RGS6: variants seen among roughly 807,000 people sequenced by gnomAD.
RGS6 encodes the protein regulator of G protein signaling 6, also known as regulator of G-protein signaling 6.
A neutral mutation model predicts 78.5 loss-of-function variants in RGS6; 30 were observed. That is an observed-to-expected ratio of 0.38 (90% CI 0.29 to 0.52). RGS6 has a LOEUF of 0.52. Among genes scored for constraint, RGS6 ranks in the 20% least tolerant of loss-of-function variants. The pLI is 0.85. For synonymous variants in RGS6, 206 were observed against 206.0 expected, an observed-to-expected ratio of 1.00 and a Z score of 0.00; for missense variants, 495 against 609.7, an observed-to-expected ratio of 0.81 and a Z score of 1.98.
intron 2 of RGS6, among the ~76,000 whole-genome samples, chr14:72,085,733 A>T (rs2095005229): frequency 6.6e-6 from 1 of 151,972 alleles, no homozygotes; most frequent in Non-Finnish European, 1.5e-5. Context: ...GCACACTTGT[A>T]ATCCCAGCTA....
In RGS6 at chr14:72,528,735, C is replaced by T. The variant is rs1405093891; in HGVS notation, c.1279-7451C>T. Among the ~76,000 whole-genome samples the T allele has an allele frequency of 3.9e-5, 6 of 152,180 alleles. No individual in the cohort carries two copies. The East Asian group carries it at 7.7e-4, about 20-fold the overall frequency. On this transcript the variant is annotated intron_variant, in intron 15 of 17. Transcript: ENST00000553525. Reference sequence around the variant, plus strand: ...GACAAAGCAAGAAAGAGAGAGAGCACGCGGGCCAGCACGCTTTTTCTCCAT... The same window carrying T: ...GACAAAGCAAGAAAGAGAGAGAGCATGCGGGCCAGCACGCTTTTTCTCCAT...
At chr14:72,473,307 G>A (rs912371423) in intron 9 of RGS6, among the ~76,000 whole-genome samples, 15 of 152,328 alleles carry the variant, frequency 9.8e-5, no homozygotes, top group Admixed American at 3.3e-4. Flanking sequence ...AGCCGGGCGT[G>A]GTGGCAGGCA....
intron 2 of RGS6, among the ~76,000 whole-genome samples, chr14:72,346,124 G>A (rs1181339670): frequency 6.6e-6 from 1 of 152,180 alleles, no homozygotes; most frequent in Non-Finnish European, 1.5e-5. Flanking sequence ...AAGTGCTTCA[G>A]TAAAAAGAAC....
chr14:71,968,206 A>C (rs927393209), intron 2 of RGS6, among the ~76,000 whole-genome samples: 1 of 152,172 alleles, frequency 6.6e-6, no homozygotes, highest in Non-Finnish European at 1.5e-5. Context: ...CTAGCTATAC[A>C]TCACATCATT....
chr14:72,308,224 C>A (rs2067703915), intron 2 of RGS6, among the ~76,000 whole-genome samples: 1 of 152,118 alleles, frequency 6.6e-6, no homozygotes, highest in Admixed American at 6.6e-5. Flanking sequence ...ATGTCTTCAT[C>A]TTATTCTTGA....
upstream of RGS6, among the ~76,000 whole-genome samples, chr14:71,928,820 C>T (rs2087758219): frequency 6.6e-6 from 1 of 152,124 alleles, no homozygotes; most frequent in African/African-American, 2.4e-5. Flanking sequence ...TGGGCTGAAT[C>T]ACATTATTGT....
At chr14:72,168,283 C>T (rs2096957338) in intron 2 of RGS6, among the ~76,000 whole-genome samples, 1 of 152,026 alleles carries the variant, frequency 6.6e-6, no homozygotes. Context: ...AACAGATGGT[C>T]CCCCACAGGC....
At chr14:72,383,569 C>A (rs1250606977) in intron 3 of RGS6, among the ~76,000 whole-genome samples, 3 of 152,152 alleles carry the variant, frequency 2.0e-5, no homozygotes, top group African/African-American at 7.2e-5. Flanking sequence ...TATTAACAGG[C>A]ATAAACAGAC....
chr14:71,938,563 C>A (rs533069127), intron 1 of RGS6, among the ~76,000 whole-genome samples: 1 of 152,156 alleles, frequency 6.6e-6, no homozygotes, highest in Non-Finnish European at 1.5e-5. Flanking sequence ...CCCATGAGGC[C>A]GTGGGTGCAG....
intron 16 of RGS6, among the ~76,000 whole-genome samples, chr14:72,538,403 C>G (rs1432210125): frequency 6.6e-6 from 1 of 152,232 alleles, no homozygotes; most frequent in Non-Finnish European, 1.5e-5. Context: ...AAATGATAGT[C>G]ACACTGAAGA....
chr14:72,428,701 A>C (rs547961777), intron 3 of RGS6, among the ~76,000 whole-genome samples: 1 of 152,226 alleles, frequency 6.6e-6, no homozygotes, highest in Non-Finnish European at 1.5e-5. Flanking sequence ...GATAGGAAGC[A>C]GGTCTTATCT....
At chr14:71,992,941 A>G (rs1319220332) in intron 2 of RGS6, among the ~76,000 whole-genome samples, 1 of 152,196 alleles carries the variant, frequency 6.6e-6, no homozygotes, top group Non-Finnish European at 1.5e-5. Flanking sequence ...TCCATTGTTC[A>G]ATAAGAGCAT....
chr14:72,121,129 G>T (rs959036358), intron 2 of RGS6, among the ~76,000 whole-genome samples: 2 of 152,084 alleles, frequency 1.3e-5, no homozygotes, highest in Non-Finnish European at 2.9e-5. Context: ...CAGCATCAAG[G>T]CTGGCTTCTC....
rs187703764 is a variant in RGS6 at position 72,072,384 on chromosome 14, C to G, written c.84+107509C>G. ...AGTGCGGTGGCGCAATCTCGGCTCA[C>G]TGCAACCTCTGCCTCTTGGGTTCAA... On this transcript the variant is annotated intron_variant, in intron 2 of 17. Coordinates refer to ENST00000553525, the MANE Select transcript of RGS6 (RefSeq NM_001204424.2). Among the ~76,000 whole-genome samples the G allele has an allele frequency of 2.7e-3, 404 of 151,924 alleles. 2 individuals are homozygous for G. The highest frequency in any genetic ancestry group is 4.5e-3 in the Admixed American group (69 of 15,276).
rs150908573 is a variant in RGS6 at position 72,121,493 on chromosome 14, C to T, written c.84+156618C>T. 4.6e-5 allele frequency among the ~76,000 whole-genome samples: 7 copies of T among 152,270 alleles called. No homozygotes were observed. In the East Asian group the frequency reaches 5.8e-4, roughly 13 times the overall value. On this transcript the variant is annotated intron_variant, in intron 2 of 17. Transcript: ENST00000553525. Reference sequence around the variant, plus strand: ...TGGCCTGGAGGCTCATCTGCACAGACGTGCAGTTTAACTCCATTAGGGATC... The same window carrying T: ...TGGCCTGGAGGCTCATCTGCACAGATGTGCAGTTTAACTCCATTAGGGATC...
At chr14:72,233,569 G>T (rs1214642335) in intron 2 of RGS6, among the ~76,000 whole-genome samples, 1 of 152,176 alleles carries the variant, frequency 6.6e-6, no homozygotes, top group Admixed American at 6.5e-5. Flanking sequence ...CACATCAAAG[G>T]TTCTGGGTTG....
At chr14:72,208,971 G>C (rs1338509625) in intron 2 of RGS6, among the ~76,000 whole-genome samples, 3 of 151,378 alleles carry the variant, frequency 2.0e-5, no homozygotes, top group Non-Finnish European at 2.9e-5. Context: ...AAGAACAAAA[G>C]TCAGATGTGG....
At chr14:71,954,754 T>TCAAAAAC (rs1595162541) in intron 1 of RGS6, among the ~76,000 whole-genome samples, 1 of 152,210 alleles carries the variant, frequency 6.6e-6, no homozygotes, top group East Asian at 1.9e-4. Flanking sequence ...TTTTTAGCAT[T>TCAAAAAC]TCCTTTTCAA....
chr14:72,146,319 T>A (rs113669741), intron 2 of RGS6, among the ~76,000 whole-genome samples: 16 of 152,342 alleles, frequency 1.1e-4, no homozygotes, highest in African/African-American at 3.8e-4. Context: ...AGAGGACACA[T>A]TCAAATCATA....
Sources: allele counts gnomAD v4.1 joint callset (sites outside exome capture counted in the v4.1 genomes callset), GRCh38; gene constraint gnomAD v4.1.1; transcripts MANE v1.5; gene names NCBI Gene and HGNC (gene_info 2026-07-23, HGNC 2026-07-21).